The following ADRA1B variants were observed in gnomAD, a reference collection of about 807,000 sequenced individuals.
ADRA1B encodes the protein alpha-1B adrenergic receptor.
A neutral mutation model predicts 17.9 loss-of-function variants in ADRA1B; 17 were observed. That is an observed-to-expected ratio of 0.95 (90% CI 0.65 to 1.42). The LOEUF is 1.42. Among genes scored for constraint, ADRA1B ranks in the 40% most tolerant of loss-of-function variants. The pLI, the probability that ADRA1B is intolerant of heterozygous loss-of-function variation, is 0.00. For synonymous variants in ADRA1B, 366 were observed against 327.6 expected (o/e 1.12, Z -1.27); for missense variants, 681 against 722.1 (o/e 0.94, Z 0.65).
chr5:159,914,372 C>A (rs1754257331), upstream of ADRA1B, among the ~76,000 whole-genome samples: 1 of 152,130 alleles, frequency 6.6e-6, no homozygotes, highest in South Asian at 2.1e-4. Context: ...CAGCTCTGCT[C>A]CTGACCATCT....
At chr5:159,895,531 C>T (rs1306928103) in intron 1 of ADRA1B, among the ~76,000 whole-genome samples, 1 of 152,202 alleles carries the variant, frequency 6.6e-6, no homozygotes, top group Non-Finnish European at 1.5e-5. Flanking sequence ...GGTTTACAAG[C>T]TTGTGCTCAG....
At chr5:159,945,999 G>A (rs539779794) in intron 1 of ADRA1B, among the ~76,000 whole-genome samples, 15 of 152,202 alleles carry the variant, frequency 9.9e-5, no homozygotes, top group East Asian at 1.9e-4. Context: ...CGCCCACCTC[G>A]GCCTCCCAAA....
intron 1 of ADRA1B, among the ~76,000 whole-genome samples, chr5:159,875,170 A>G (rs1753789550): frequency 6.6e-6 from 1 of 152,188 alleles, no homozygotes; most frequent in African/African-American, 2.4e-5. Context: ...ATGGTGGAGA[A>G]AACAACAGTG....
intron 1 of ADRA1B, among the ~76,000 whole-genome samples, chr5:159,879,057 A>G (rs189878653): frequency 2.6e-5 from 4 of 152,144 alleles, no homozygotes; most frequent in Admixed American, 2.0e-4. Context: ...TCCTCATGCC[A>G]CTTTCTCTGC....
chr5:159,877,411 C>T (rs546100215), intron 1 of ADRA1B, among the ~76,000 whole-genome samples: 2 of 152,298 alleles, frequency 1.3e-5, no homozygotes, highest in East Asian at 3.9e-4. Flanking sequence ...GGTTGCCGTG[C>T]ACCCAATCTT....
Position 159,917,077 on chromosome 5 carries a change from T to C in ADRA1B, c.172T>C (p.Phe58Leu). ...CCTGGTGCTGGGCGCCTTCATCCTCTTTGCCATCGTGGGCAACATCCTAGT... is the reference window on the plus strand; with the variant it reads ...CCTGGTGCTGGGCGCCTTCATCCTCCTTGCCATCGTGGGCAACATCCTAGT... ...VGLVLGAFILFAIVGNILVIL... is the reference protein window; with the variant it reads ...VGLVLGAFILLAIVGNILVIL... Residue 58 changes from phenylalanine (F) to leucine (L), a missense_variant, in exon 1 of 2, where the codon TTT becomes CTT. By Grantham distance (22) the Phe-to-Leu change is conservative. Coordinates refer to ENST00000306675, the MANE Select transcript of ADRA1B (RefSeq NM_000679.4). The C allele has an allele frequency of 6.2e-7, 1 of 1,614,148 alleles. No individual in the cohort carries two copies. Among genetic ancestry groups the C allele is most frequent in the African/African-American group, 1.3e-5 (1 of 75,044 alleles).
chr5:159,899,666 G>A (rs945911611), intron 1 of ADRA1B, among the ~76,000 whole-genome samples: 37 of 152,268 alleles, frequency 2.4e-4, no homozygotes, highest in African/African-American at 8.4e-4. Flanking sequence ...CTGCACAACG[G>A]CACCCGGCAG....
In ADRA1B at chr5:159,917,316, C is replaced by G. The variant is rs147604848; in HGVS notation, c.411C>G (p.Cys137Trp). The G allele has an allele frequency of 5.6e-6, 9 of 1,614,048 alleles. No individual in the cohort carries two copies. Among genetic ancestry groups the G allele is most frequent in the Non-Finnish European group, 7.6e-6 (9 of 1,180,028 alleles). Residue 137 changes from cysteine to tryptophan, a missense_variant, in exon 1 of 2, where the codon TGC becomes TGG. Cys to Trp is a radical substitution (Grantham distance 215, BLOSUM62 -2). Coordinates refer to ENST00000306675, the MANE Select transcript of ADRA1B (RefSeq NM_000679.4). ...LCCTASILSLCAISIDRYIGV... is the reference protein window; with the variant it reads ...LCCTASILSLWAISIDRYIGV... ...GCACAGCGTCCATTCTGAGCCTGTG[C>G]GCCATCTCCATCGATCGCTACATCG...
chr5:159,980,217 G>A, the ADRA1B span, among the ~76,000 whole-genome samples: 51 of 152,222 alleles, frequency 3.4e-4, no homozygotes, highest in African/African-American at 9.4e-4. Context: ...TGGATCGGTG[G>A]TCACAGAACT....
At chr5:159,882,914 A>G (rs754517723) in intron 1 of ADRA1B, among the ~76,000 whole-genome samples, 65 of 152,322 alleles carry the variant, frequency 4.3e-4, no homozygotes, top group Non-Finnish European at 8.2e-4. Flanking sequence ...AACTGACAAT[A>G]TCAAGACGCC....
chr5:159,953,811 C>T (rs1357402981), intron 1 of ADRA1B, among the ~76,000 whole-genome samples: 1 of 151,912 alleles, frequency 6.6e-6, no homozygotes. Context: ...GAGCAAAGCT[C>T]GGGGACCTCC....
chr5:159,932,553 T>C (rs891879631), intron 1 of ADRA1B, among the ~76,000 whole-genome samples: 1 of 152,180 alleles, frequency 6.6e-6, no homozygotes, highest in Admixed American at 6.6e-5. Flanking sequence ...TTTACACCAA[T>C]AGATAAGACA....
At chr5:159,966,114 C>A (rs1755772141) in intron 1 of ADRA1B, among the ~76,000 whole-genome samples, 1 of 152,070 alleles carries the variant, frequency 6.6e-6, no homozygotes, top group South Asian at 2.1e-4. Context: ...CCAGCTCACA[C>A]CACTCAATTA....
In ADRA1B at chr5:159,972,042, C is replaced by A; in HGVS notation, c.1113C>A (p.Gly371=). The A allele has an allele frequency of 7.2e-7, 1 of 1,383,174 alleles. No homozygotes were observed. Among genetic ancestry groups the A allele is most frequent in the Non-Finnish European group, 9.4e-7 (1 of 1,067,886 alleles). 85.7% of individuals were successfully genotyped at this position (1,383,174 alleles called of 1,614,324 possible). The change falls in exon 2 of 2, where the codon GGC becomes GGA. Residue 371 remains glycine (G), a synonymous_variant. Transcript: ENST00000306675. The part of the protein sequence containing the change: ...RILGCQCRGR[G]RRRRRRRRRL... Reference sequence around the variant, plus strand: ...TCGGGTGCCAGTGCCGCGGCCGCGGCCGCCGCCGACGCCGCCGCCGCCGTC... The same window carrying A: ...TCGGGTGCCAGTGCCGCGGCCGCGGACGCCGCCGACGCCGCCGCCGCCGTC...
At chr5:159,871,954 C>T (rs1392595306) in intron 1 of ADRA1B, among the ~76,000 whole-genome samples, 1 of 152,124 alleles carries the variant, frequency 6.6e-6, no homozygotes, top group Non-Finnish European at 1.5e-5. Flanking sequence ...CACCCTGGAG[C>T]CCTTCCCTAC....
intron 1 of ADRA1B, among the ~76,000 whole-genome samples, chr5:159,901,290 G>T (rs1754097779): frequency 1.3e-5 from 2 of 151,242 alleles, no homozygotes; most frequent in African/African-American, 4.9e-5. Context: ...GACGGGTCTT[G>T]TCAGCAGGTG....
intron 1 of ADRA1B, among the ~76,000 whole-genome samples, chr5:159,897,469 G>A (rs1044457056): frequency 6.6e-6 from 1 of 151,718 alleles, no homozygotes; most frequent in African/African-American, 2.4e-5. Context: ...CTGGGTGACA[G>A]AGTGAGACTC....
At chr5:159,947,839 T>A (rs1219135734) in intron 1 of ADRA1B, 2 of 985,302 alleles carry the variant, frequency 2.0e-6, no homozygotes, top group African/African-American at 1.7e-5. Flanking sequence ...TATCCGTTAT[T>A]GAGAAAGGAG....
intron 1 of ADRA1B, among the ~76,000 whole-genome samples, chr5:159,924,515 T>TTGGTGTG (rs1754587753): frequency 6.6e-6 from 1 of 152,078 alleles, no homozygotes; most frequent in Non-Finnish European, 1.5e-5. Context: ...GTGAATGAGT[T>TTGGTGTG]AGCCTCAGCT....
Sources: gnomAD v4.1 joint callset for allele counts (sites outside exome capture counted in the v4.1 genomes callset) on GRCh38, gnomAD v4.1.1 for gene constraint, MANE v1.5 for transcripts, NCBI Gene and HGNC (gene_info 2026-07-23, HGNC 2026-07-21) for gene names.